CTNNA2: variants seen among roughly 807,000 people sequenced by gnomAD.
The protein encoded by CTNNA2 is catenin alpha-2.
CTNNA2 carries 42 observed loss-of-function variants against 101.0 expected under a neutral mutation model. That is an observed-to-expected ratio of 0.42 (90% CI 0.32 to 0.54). CTNNA2 has a LOEUF of 0.54. CTNNA2 is among the 20% of genes least tolerant of loss of function. The pLI, the probability that CTNNA2 is intolerant of heterozygous loss-of-function variation, is 0.14. For synonymous variants in CTNNA2, 450 were observed against 456.4 expected, an observed-to-expected ratio of 0.99 and a Z score of 0.18; for missense variants, 871 against 1,223.1, an observed-to-expected ratio of 0.71 and a Z score of 4.29.
chr2:79,704,224 G>A (rs986657085), intron 2 of CTNNA2, among the ~76,000 whole-genome samples: 1 of 152,106 alleles, frequency 6.6e-6, no homozygotes, highest in African/African-American at 2.4e-5. Flanking sequence ...CCTTTTAAGA[G>A]GTTTATTGCC....
intron 11 of CTNNA2, among the ~76,000 whole-genome samples, chr2:80,547,274 C>T (rs990660789): frequency 5.3e-5 from 8 of 152,196 alleles, no homozygotes; most frequent in Non-Finnish European, 1.0e-4. Flanking sequence ...ATGTAACATG[C>T]GGCCTGTGAC....
chr2:79,935,396 A>G (rs967555285), intron 7 of CTNNA2, among the ~76,000 whole-genome samples: 3 of 150,336 alleles, frequency 2.0e-5, no homozygotes, highest in Admixed American at 1.3e-4. Context: ...TTTTAAATTT[A>G]CAAAAAGTTG....
intron 7 of CTNNA2, among the ~76,000 whole-genome samples, chr2:80,021,483 A>G (rs767730808): frequency 6.6e-6 from 1 of 152,066 alleles, no homozygotes; most frequent in Non-Finnish European, 1.5e-5. Flanking sequence ...ATCAAAGACC[A>G]CCTTAACAAA....
At chr2:79,633,915 C>G (rs1679853025) in intron 1 of CTNNA2, 1 of 152,178 alleles carries the variant, frequency 6.6e-6, no homozygotes, top group Non-Finnish European at 1.5e-5. Flanking sequence ...TAAGGAACCT[C>G]TCAAATAAGC....
intron 2 of CTNNA2, 37 bp from the exon 3 acceptor site, chr2:79,744,350 T>C: frequency 6.4e-7 from 1 of 1,552,444 alleles, no homozygotes; most frequent in South Asian, 1.2e-5. Context: ...TAGACAGTTT[T>C]GCAAAGAAGT....
At position 79,483,595 on chromosome 2, in the gene CTNNA2, A is replaced by G. The variant is rs1671130815; in HGVS notation, c.-134-21459A>G. 2.0e-5 allele frequency among the ~76,000 whole-genome samples: 3 copies of G among 152,196 alleles called. No individual in the cohort carries two copies. The South Asian group carries it at 6.2e-4, about 32-fold the overall frequency. ...CATTTACCCGGAGTCTCCAAAGTCC[A>G]TGTATTGTTCTCAGGCCTTTGCATC... On this transcript the variant is annotated intron_variant, in intron 4 of 21. Transcript: ENST00000466387.
At chr2:79,351,113 T>A (rs2104438587) in intron 3 of CTNNA2, among the ~76,000 whole-genome samples, 1 of 152,348 alleles carries the variant, frequency 6.6e-6, no homozygotes, top group African/African-American at 2.4e-5. Context: ...TCTTTTTCTG[T>A]GCAAAAGGTT....
intron 7 of CTNNA2, among the ~76,000 whole-genome samples, chr2:80,339,411 G>A (rs1672032342): frequency 6.6e-6 from 1 of 151,892 alleles, no homozygotes; most frequent in Non-Finnish European, 1.5e-5. Context: ...AGATAGGTTT[G>A]GGTTGAGGGG....
At chr2:79,686,678 ATT>A (rs1158740254) in intron 2 of CTNNA2, among the ~76,000 whole-genome samples, 5 of 152,294 alleles carry the variant, frequency 3.3e-5, no homozygotes, top group African/African-American at 7.2e-5. Flanking sequence ...GATGGAAGAC[ATT>A]AATCTGGAAG....
intron 4 of CTNNA2, among the ~76,000 whole-genome samples, chr2:79,375,407 G>GCCAT (rs1558652028): frequency 1.3e-5 from 2 of 152,030 alleles, no homozygotes; most frequent in African/African-American, 4.8e-5. Flanking sequence ...AGAGCTTTTC[G>GCCAT]CCATCGTTCC....
chr2:79,572,928 G>A (rs776259494), intron 1 of CTNNA2, among the ~76,000 whole-genome samples: 13 of 152,236 alleles, frequency 8.5e-5, no homozygotes, highest in African/African-American at 2.9e-4. Flanking sequence ...CAAGTGGTTT[G>A]CAGTTTTTAG....
At chr2:80,076,825 A>G (rs1698788194) in intron 7 of CTNNA2, among the ~76,000 whole-genome samples, 1 of 152,080 alleles carries the variant, frequency 6.6e-6, no homozygotes, top group Admixed American at 6.6e-5. Context: ...AAAAAGTTAG[A>G]GACCCACCAG....
intron 1 of CTNNA2, among the ~76,000 whole-genome samples, chr2:79,533,101 C>T (rs1329956951): frequency 6.6e-6 from 1 of 151,888 alleles, no homozygotes; most frequent in African/African-American, 2.4e-5. Flanking sequence ...CAGTCTCGCT[C>T]CTTGATGAAT....
rs373398971 is a variant in CTNNA2 at position 80,331,370 on chromosome 2, A to G, written c.1057-61841A>G. On this transcript the variant is annotated intron_variant, in intron 7 of 18. Coordinates refer to ENST00000402739, the MANE Select transcript of CTNNA2 (RefSeq NM_001282597.3). ...AGCGTATGGGTTTAAATACTCTCCA[A>G]TTCAGCCTGGTGTGTTTGACATCTA... Among the ~76,000 whole-genome samples, 39 of 152,314 alleles carry G rather than the reference A, an allele frequency of 2.6e-4. No homozygotes were observed. In the East Asian group the frequency reaches 5.4e-3, roughly 21 times the overall value.
At chr2:79,283,086 C>T (rs1425208087) in intron 2 of CTNNA2, among the ~76,000 whole-genome samples, 1 of 78,014 alleles carries the variant, frequency 1.3e-5, no homozygotes, top group African/African-American at 3.4e-5. Context: ...ATGTCCTTTG[C>T]CCACTTTTTG....
intron 1 of CTNNA2, among the ~76,000 whole-genome samples, chr2:79,640,027 G>A (rs1454283043): frequency 6.6e-6 from 1 of 152,000 alleles, no homozygotes; most frequent in Non-Finnish European, 1.5e-5. Flanking sequence ...ATAGCATTTT[G>A]AGTAACGCCC....
intron 7 of CTNNA2, among the ~76,000 whole-genome samples, chr2:80,042,165 A>G (rs1041032970): frequency 2.0e-5 from 3 of 152,150 alleles, no homozygotes; most frequent in Non-Finnish European, 2.9e-5. Context: ...GCGTTTCACC[A>G]TGTTGACCAG....
intron 15 of CTNNA2, among the ~76,000 whole-genome samples, chr2:80,602,929 T>C (rs762014580): frequency 1.3e-5 from 2 of 152,100 alleles, no homozygotes; most frequent in Admixed American, 6.6e-5. Context: ...AGTAGAGAAA[T>C]GGAACAAAAT....
intron 1 of CTNNA2, among the ~76,000 whole-genome samples, chr2:79,560,421 T>G (rs1674703348): frequency 1.3e-5 from 2 of 151,948 alleles, no homozygotes; most frequent in African/African-American, 2.4e-5. Context: ...TCCATACACT[T>G]AGAATATGGA....
Sources: allele counts gnomAD v4.1 joint callset (sites outside exome capture counted in the v4.1 genomes callset), GRCh38; gene constraint gnomAD v4.1.1; transcripts MANE v1.5; gene names NCBI Gene and HGNC (gene_info 2026-07-23, HGNC 2026-07-21).